ARHGEF10: variants seen among roughly 807,000 people sequenced by gnomAD.
ARHGEF10 encodes Rho guanine nucleotide exchange factor 10.
In ARHGEF10, 140 loss-of-function variants were observed where a neutral mutation model predicts 147.4. The observed-to-expected ratio is 0.95, with a 90% confidence interval of 0.83 to 1.09. The LOEUF (loss-of-function observed/expected upper bound fraction) is 1.09, where lower values mean the gene tolerates loss of function less well. ARHGEF10 is among the 50% of genes least tolerant of loss of function. The pLI, the probability that ARHGEF10 is intolerant of heterozygous loss-of-function variation, is 0.00. For synonymous variants in ARHGEF10, 902 were observed against 695.8 expected (o/e 1.30, Z -4.67); for missense variants, 2,222 against 1,752.7 (o/e 1.27, Z -4.78).
intron 8 of ARHGEF10, among the ~76,000 whole-genome samples, chr8:1,879,660 C>T (rs924646248): frequency 4.0e-5 from 6 of 151,804 alleles, no homozygotes; most frequent in Admixed American, 2.6e-4. Context: ...TCAAGCAATT[C>T]GCCCACCTCA....
intron 4 of ARHGEF10, among the ~76,000 whole-genome samples, chr8:1,861,595 G>T (rs1345439923): frequency 6.6e-6 from 1 of 152,162 alleles, no homozygotes; most frequent in South Asian, 2.1e-4. Flanking sequence ...AAAGGTTTCA[G>T]TGGAAGCAGC....
chr8:1,907,244 G>A (rs1349198213), intron 17 of ARHGEF10, among the ~76,000 whole-genome samples: 2 of 152,120 alleles, frequency 1.3e-5, no homozygotes, highest in East Asian at 3.9e-4. Context: ...TAACAGTATG[G>A]CTTCCAAGTT....
intron 1 of ARHGEF10, among the ~76,000 whole-genome samples, chr8:1,838,475 G>A (rs1803725449): frequency 6.6e-6 from 1 of 152,252 alleles, no homozygotes; most frequent in Non-Finnish European, 1.5e-5. Context: ...CCCTTTCTCT[G>A]CACTCAGGGC....
chr8:1,915,951 T>G (rs910333189), intron 18 of ARHGEF10, among the ~76,000 whole-genome samples: 2 of 152,164 alleles, frequency 1.3e-5, no homozygotes, highest in African/African-American at 4.8e-5. Context: ...CCAGAAACCT[T>G]CTATTCAGGG....
At chr8:1,899,622 C>G (rs1397108390) in intron 15 of ARHGEF10, among the ~76,000 whole-genome samples, 4 of 152,164 alleles carry the variant, frequency 2.6e-5, no homozygotes, top group Admixed American at 6.5e-5. Context: ...AGGTTGATGG[C>G]TCATGTTAAT....
At chr8:1,932,778 T>G (rs1393660409) in intron 25 of ARHGEF10, among the ~76,000 whole-genome samples, 2 of 152,234 alleles carry the variant, frequency 1.3e-5, no homozygotes, top group Non-Finnish European at 2.9e-5. Flanking sequence ...CAGACACTTG[T>G]TTTGTATTCA....
rs537376593 is a variant in ARHGEF10 at position 1,832,058 on chromosome 8, G to C, written c.-48+7945G>C. On this transcript the variant is annotated intron_variant, in intron 1 of 28. Coordinates refer to ENST00000349830, the MANE Select transcript of ARHGEF10 (RefSeq NM_014629.4). The stretch of plus-strand genomic sequence containing the variant: ...TGGAATGCGGTGCTTCCTCCTGACT[G>C]TGGGGCTGGAGGAGCAGCGGTGGGT... Among the ~76,000 whole-genome samples, 360 of 152,322 alleles carry C rather than the reference G, an allele frequency of 2.4e-3. 2 individuals are homozygous for C. The highest frequency in any genetic ancestry group is 4.1e-3 in the Non-Finnish European group (280 of 68,026).
Position 1,956,947 on chromosome 8 carries a change from C to T in ARHGEF10, c.3719C>T (p.Ala1240Val), listed in dbSNP as rs368606134. ...SSLSQGDPDA[A>V]IWLGDSLGSM... Reference sequence around the variant, plus strand: ...CTGAGCCAGGGTGACCCTGACGCAGCCATCTGGTTGGGAGATTCGCTGGGA... The same window carrying T: ...CTGAGCCAGGGTGACCCTGACGCAGTCATCTGGTTGGGAGATTCGCTGGGA... The change falls in exon 29 of 29, where the codon GCC becomes GTC. Residue 1240 changes from alanine to valine, a missense_variant. Physicochemically the swap from Ala to Val is moderately conservative, Grantham distance 64. Transcript: ENST00000349830. 6.2e-7 allele frequency: 1 copy of T among 1,614,176 alleles called. No homozygotes were observed. The highest frequency in any genetic ancestry group is 8.5e-7 in the Non-Finnish European group (1 of 1,180,028).
At chr8:1,928,769 T>TG in intron 24 of ARHGEF10, 119 bp downstream of exon 24, 1 of 1,169,124 alleles carries the variant, frequency 8.6e-7, no homozygotes, top group East Asian at 2.5e-5. Flanking sequence ...GTGCAGGAAT[T>TG]AGGGGATACC....
intron 18 of ARHGEF10, among the ~76,000 whole-genome samples, chr8:1,909,937 G>A (rs546826336): frequency 5.3e-5 from 8 of 152,202 alleles, no homozygotes; most frequent in Admixed American, 4.6e-4. Context: ...CATGGAGGCA[G>A]TGCTTGTCCA....
At chr8:1,938,389 A>G (rs1813796806) in intron 26 of ARHGEF10, among the ~76,000 whole-genome samples, 2 of 152,198 alleles carry the variant, frequency 1.3e-5, no homozygotes, top group Admixed American at 6.5e-5. Flanking sequence ...TTAAAGTGCA[A>G]ACCTTTTCTT....
intron 11 of ARHGEF10, among the ~76,000 whole-genome samples, 183 bp downstream of exon 11, chr8:1,885,890 G>T (rs1209043154): frequency 6.6e-6 from 1 of 152,190 alleles, no homozygotes; most frequent in African/African-American, 2.4e-5. Flanking sequence ...GCAAGGGTCT[G>T]GGGGGACGCT....
At chr8:1,927,880 G>A (rs1157101347) in intron 23 of ARHGEF10, among the ~76,000 whole-genome samples, 1 of 152,152 alleles carries the variant, frequency 6.6e-6, no homozygotes, top group Admixed American at 6.5e-5. Flanking sequence ...GGCAGAGGTT[G>A]CAGTGAGCCA....
chr8:1,917,310 A>C (rs1218889580), intron 18 of ARHGEF10, among the ~76,000 whole-genome samples: 3 of 152,198 alleles, frequency 2.0e-5, no homozygotes, highest in African/African-American at 7.2e-5. Flanking sequence ...TTTGTGAAAA[A>C]CAGTTTTGTA....
chr8:1,884,098 A>G lies in ARHGEF10; in HGVS notation c.1075+1349A>G, dbSNP rs373945757. Among the ~76,000 whole-genome samples, 125 of 152,292 alleles carry G rather than the reference A, an allele frequency of 8.2e-4. 1 individual carries two copies. Among genetic ancestry groups the G allele is most frequent in the African/African-American group, 2.9e-3 (119 of 41,552 alleles). On this transcript the variant is annotated intron_variant, in intron 10 of 28. Coordinates refer to ENST00000349830, the MANE Select transcript of ARHGEF10 (RefSeq NM_014629.4). ...TCAGTTGTAGAGATGCGGCAGTTTA[A>G]TAGGCAAATCCTTGGCCGGGCACGG...
At chr8:1,833,566 G>A (rs952158805) in intron 1 of ARHGEF10, among the ~76,000 whole-genome samples, 10 of 152,140 alleles carry the variant, frequency 6.6e-5, no homozygotes, top group African/African-American at 2.2e-4. Flanking sequence ...CTTCTTTGGC[G>A]CCCTGTTACC....
chr8:1,866,644 T>C (rs1806646171), intron 6 of ARHGEF10, 42 bp downstream of exon 6: 3 of 1,575,790 alleles, frequency 1.9e-6, no homozygotes, highest in Non-Finnish European at 2.6e-6. Context: ...CTCACCACGC[T>C]CCACAGACGT....
Position 1,894,366 on chromosome 8 carries a change from G to C in ARHGEF10, c.1261-27G>C, listed in dbSNP as rs1384433055. 6 of 1,613,634 alleles carry C rather than the reference G, an allele frequency of 3.7e-6. No individual in the cohort carries two copies. The African/African-American group carries it at 8.0e-5, about 22-fold the overall frequency. ...CCCAGGCTCTGAAAAAGAAAAGTCTGAACTGTCTTTGCTCATTTTGTCTTA... is the reference window on the plus strand; with the variant it reads ...CCCAGGCTCTGAAAAAGAAAAGTCTCAACTGTCTTTGCTCATTTTGTCTTA... On this transcript the variant is annotated intron_variant, in intron 12 of 28. Transcript: ENST00000349830.
At chr8:1,945,062 G>A (rs892147015) in intron 26 of ARHGEF10, among the ~76,000 whole-genome samples, 1 of 152,248 alleles carries the variant, frequency 6.6e-6, no homozygotes. Flanking sequence ...AGGAGGCACA[G>A]ACTCAGAACC....
Sources: allele counts gnomAD v4.1 joint callset (sites outside exome capture counted in the v4.1 genomes callset), GRCh38; gene constraint gnomAD v4.1.1; transcripts MANE v1.5; gene names NCBI Gene and HGNC (gene_info 2026-07-23, HGNC 2026-07-21).